MEOX2: variants seen among roughly 807,000 people sequenced by gnomAD.
MEOX2 encodes mesenchyme homeobox 2.
MEOX2 carries 11 observed loss-of-function variants against 27.0 expected under a neutral mutation model. That is an observed-to-expected ratio of 0.41 (90% CI 0.26 to 0.68). MEOX2 has a LOEUF of 0.68. MEOX2 is among the 30% of genes least tolerant of loss of function. The pLI, the probability that MEOX2 is intolerant of heterozygous loss-of-function variation, is 0.33. For synonymous variants in MEOX2, 189 were observed against 155.4 expected, an observed-to-expected ratio of 1.22 and a Z score of -1.61; for missense variants, 436 against 385.4, an observed-to-expected ratio of 1.13 and a Z score of -1.10.
chr7:15,681,488 G>T (rs966434339), intron 1 of MEOX2: 4 of 131,144 alleles, frequency 3.1e-5, no homozygotes, highest in African/African-American at 1.1e-4. Flanking sequence ...AAAAAAAAAT[G>T]TAATTATTTC....
chr7:15,634,068 TA>T (rs2115365728), intron 1 of MEOX2, among the ~76,000 whole-genome samples: 1 of 152,076 alleles, frequency 6.6e-6, no homozygotes. Context: ...TCTATATTTA[TA>T]ACGATATCTC....
chr7:15,639,230 G>T (rs374915337), intron 1 of MEOX2, among the ~76,000 whole-genome samples: 1 of 152,048 alleles, frequency 6.6e-6, no homozygotes, highest in East Asian at 1.9e-4. Flanking sequence ...GATGATTTGT[G>T]ATGTTGAGCA....
chr7:15,663,703 T>C (rs1291340009), intron 1 of MEOX2, among the ~76,000 whole-genome samples: 1 of 152,170 alleles, frequency 6.6e-6, no homozygotes, highest in Non-Finnish European at 1.5e-5. Flanking sequence ...AAAAATAACA[T>C]GCAAGCTTTC....
rs368037631 is a variant in MEOX2, at chr7:15,623,970, G to T, written c.690+2776C>A. 2.6e-5 allele frequency among the ~76,000 whole-genome samples: 4 copies of T among 152,270 alleles called. No individual in the cohort carries two copies. In the South Asian group the frequency reaches 8.3e-4, roughly 32 times the overall value. ...AATTCAACATGCTTTGCATAGCAAA[G>T]GTTTTTCCCACCTGGGTGATAATTC... On this transcript the variant is annotated intron_variant, in intron 2 of 2. Transcript: ENST00000262041.
rs1781705377 is a variant in MEOX2 at position 15,649,607 on chromosome 7, G to A, written c.518-22689C>T. Among the ~76,000 whole-genome samples the A allele has an allele frequency of 2.6e-5, 4 of 152,042 alleles. No homozygotes were observed. In the South Asian group the frequency reaches 8.3e-4, roughly 31 times the overall value. ...GTTAGGGACTGACTAGTCAGTGCAG[G>A]AAACAGTGAGTATCTGGAATATAAA... On this transcript the variant is annotated intron_variant, in intron 1 of 2. Coordinates refer to ENST00000262041, the MANE Select transcript of MEOX2 (RefSeq NM_005924.5).
At chr7:15,675,007 T>C (rs1258019658) in intron 1 of MEOX2, among the ~76,000 whole-genome samples, 1 of 152,182 alleles carries the variant, frequency 6.6e-6, no homozygotes, top group Non-Finnish European at 1.5e-5. Flanking sequence ...TGTAGTAATG[T>C]TTTTTATTAT....
At chr7:15,613,105 T>C (rs907117638) in intron 2 of MEOX2, among the ~76,000 whole-genome samples, 1 of 152,236 alleles carries the variant, frequency 6.6e-6, no homozygotes. Flanking sequence ...CTTTCACAAA[T>C]CTTTATTTGA....
intron 2 of MEOX2, among the ~76,000 whole-genome samples, chr7:15,614,802 C>G (rs990871993): frequency 6.6e-6 from 1 of 151,950 alleles, no homozygotes; most frequent in Non-Finnish European, 1.5e-5. Flanking sequence ...GAAATAATTT[C>G]AATTTCTGTA....
intron 1 of MEOX2, chr7:15,680,767 T>C (rs1782280801): frequency 6.6e-6 from 1 of 151,898 alleles, no homozygotes; most frequent in Non-Finnish European, 1.5e-5. Flanking sequence ...ACAAAATGTG[T>C]CTTGTTTCTT....
At chr7:15,641,148 T>C (rs1002588615) in intron 1 of MEOX2, among the ~76,000 whole-genome samples, 91 of 152,288 alleles carry the variant, frequency 6.0e-4, no homozygotes, top group African/African-American at 2.0e-3. Context: ...CATTTGGCCC[T>C]GGGCTTTTTT....
At chr7:15,677,398 T>G (rs915739682) in intron 1 of MEOX2, 6 of 152,098 alleles carry the variant, frequency 3.9e-5, no homozygotes, top group Non-Finnish European at 7.4e-5. Context: ...ACAGCGGGGG[T>G]TTAGCCCTAA....
intron 1 of MEOX2, among the ~76,000 whole-genome samples, chr7:15,646,829 C>G (rs1318371715): frequency 6.6e-6 from 1 of 151,834 alleles, no homozygotes; most frequent in Non-Finnish European, 1.5e-5. Flanking sequence ...TCTAAGGTGA[C>G]AGTTGATTTT....
At chr7:15,612,903 C>T (rs1237232842) in intron 2 of MEOX2, among the ~76,000 whole-genome samples, 4 of 152,194 alleles carry the variant, frequency 2.6e-5, no homozygotes, top group Non-Finnish European at 4.4e-5. Context: ...ACTCAAAGCA[C>T]TTGCGTCTAT....
intron 1 of MEOX2, among the ~76,000 whole-genome samples, chr7:15,654,837 CTG>C (rs1255874640): frequency 2.0e-5 from 3 of 151,424 alleles, no homozygotes; most frequent in Non-Finnish European, 4.4e-5. Flanking sequence ...CAATATAACT[CTG>C]TGGTTTTCTT....
chr7:15,641,223 T>A (rs912284952), intron 1 of MEOX2, among the ~76,000 whole-genome samples: 1 of 152,228 alleles, frequency 6.6e-6, no homozygotes, highest in Non-Finnish European at 1.5e-5. Flanking sequence ...GTTCAGAATT[T>A]CAATGTCTTC....
intron 1 of MEOX2, among the ~76,000 whole-genome samples, chr7:15,659,782 G>T (rs202220091): frequency 1.7e-5 from 2 of 118,298 alleles, no homozygotes; most frequent in Non-Finnish European, 3.5e-5. Flanking sequence ...AAAAAAAAAA[G>T]CAAAGAGGAT....
At chr7:15,671,792 C>T (rs73288145) in intron 1 of MEOX2, among the ~76,000 whole-genome samples, 20,049 of 152,076 alleles carry the variant, frequency 0.13, 1,518 homozygotes, top group African/African-American at 0.19. Flanking sequence ...CATGATGGCT[C>T]ACACCTGTAA....
At position 15,641,816 on chromosome 7, in the gene MEOX2, A is replaced by G. The variant is rs547935130; in HGVS notation, c.518-14898T>C. Among the ~76,000 whole-genome samples the G allele has an allele frequency of 2.4e-4, 37 of 152,240 alleles. No individual in the cohort carries two copies. The South Asian group carries it at 7.3e-3, about 30-fold the overall frequency. On this transcript the variant is annotated intron_variant, in intron 1 of 2. Transcript: ENST00000262041. The stretch of plus-strand genomic sequence containing the variant: ...CTTGAAGGTCTAGTCTCATGGTGAT[A>G]AATTCTACTAGTGTTTGCTTGTTTG...
intron 1 of MEOX2, among the ~76,000 whole-genome samples, chr7:15,643,924 G>C (rs978808965): frequency 2.0e-5 from 3 of 152,178 alleles, no homozygotes; most frequent in Non-Finnish European, 4.4e-5. Context: ...GGGTTGGTGA[G>C]CTGCTCCCAG....
Sources: gnomAD v4.1 joint callset for allele counts (sites outside exome capture counted in the v4.1 genomes callset) on GRCh38, gnomAD v4.1.1 for gene constraint, MANE v1.5 for transcripts, NCBI Gene and HGNC (gene_info 2026-07-23, HGNC 2026-07-21) for gene names.